Variants in SRPK2 observed in about 807,000 individuals in gnomAD.
SRPK2 encodes the protein SFRS protein kinase 2.
SRPK2 carries 21 observed loss-of-function variants against 90.8 expected under a neutral mutation model. The ratio of observed to expected loss-of-function variants is 0.23; its 90% CI spans 0.16 to 0.33. The LOEUF (loss-of-function observed/expected upper bound fraction) is 0.33. Ranked by LOEUF, SRPK2 falls within the 10% of genes least tolerant of loss-of-function variation. The pLI is 1.00. For synonymous variants in SRPK2, 288 were observed against 311.1 expected (o/e 0.93, Z 0.78); for missense variants, 620 against 869.0 (o/e 0.71, Z 3.60).
intron 2 of SRPK2, among the ~76,000 whole-genome samples, chr7:105,308,077 TCGTCACCCA>T (rs1463111644): frequency 3.9e-5 from 6 of 152,334 alleles, no homozygotes; most frequent in Middle Eastern, 3.4e-3. Context: ...AGTTATGGGT[TCGTCACCCA>T]AATATACCCC....
At chr7:105,244,808 T>G in intron 2 of SRPK2, 1 of 974,604 alleles carries the variant, frequency 1.0e-6, no homozygotes, top group Non-Finnish European at 1.7e-6. Flanking sequence ...CTTCGCCCCG[T>G]ACAAGCAGCA....
At chr7:105,363,568 A>G (rs1818681574) in intron 2 of SRPK2, among the ~76,000 whole-genome samples, 1 of 152,228 alleles carries the variant, frequency 6.6e-6, no homozygotes, top group Admixed American at 6.5e-5. Context: ...GAACACTTTT[A>G]CACGGTTGGT....
intron 2 of SRPK2, among the ~76,000 whole-genome samples, chr7:105,316,013 C>G (rs1812267212): frequency 7.3e-6 from 1 of 136,908 alleles, no homozygotes; most frequent in Non-Finnish European, 1.5e-5. Context: ...GAAAAGACAT[C>G]TTTAGGTAAT....
intron 3 of SRPK2, among the ~76,000 whole-genome samples, chr7:105,191,040 A>G (rs1794217837): frequency 6.6e-6 from 1 of 152,350 alleles, no homozygotes; most frequent in Admixed American, 6.5e-5. Context: ...AAACCACAAT[A>G]TAAGATACAA....
chr7:105,125,875 C>G, intron 15 of SRPK2: 1 of 1,301,400 alleles, frequency 7.7e-7, no homozygotes, highest in Non-Finnish European at 1.0e-6. Context: ...GCTATGTGAT[C>G]TGCATTGGGA....
At chr7:105,340,073 A>C (rs1815567701) in intron 2 of SRPK2, among the ~76,000 whole-genome samples, 1 of 152,076 alleles carries the variant, frequency 6.6e-6, no homozygotes, top group Non-Finnish European at 1.5e-5. Flanking sequence ...AAAGGAAAAA[A>C]AAAAAAAAGG....
intron 2 of SRPK2, among the ~76,000 whole-genome samples, chr7:105,249,563 C>G (rs944627914): frequency 7.2e-5 from 11 of 151,750 alleles, no homozygotes; most frequent in African/African-American, 2.7e-4. Context: ...ATTTCAAATA[C>G]TGGAAGTTAT....
At chr7:105,305,231 A>G (rs1019674566) in intron 2 of SRPK2, among the ~76,000 whole-genome samples, 11 of 152,148 alleles carry the variant, frequency 7.2e-5, no homozygotes, top group Admixed American at 1.3e-4. Flanking sequence ...CCTGAAGTCA[A>G]GAGTTCAAGG....
Position 105,185,052 on chromosome 7 carries a change from T to C in SRPK2, c.230-15787A>G, listed in dbSNP as rs73405817. 2.9e-3 allele frequency among the ~76,000 whole-genome samples: 448 copies of C among 152,264 alleles called. 1 individual carries two copies. Among genetic ancestry groups the C allele is most frequent in the African/African-American group, 0.01 (431 of 41,560 alleles). On this transcript the variant is annotated intron_variant, in intron 3 of 15. Transcript: ENST00000393651. Reference sequence around the variant, plus strand: ...GAACTTTAGTACGTGAACTTGGACATTGTTTGTATCTGTTCAAAAACTTTG... The same window carrying C: ...GAACTTTAGTACGTGAACTTGGACACTGTTTGTATCTGTTCAAAAACTTTG...
chr7:105,167,207 C>A (rs997392977), intron 6 of SRPK2, among the ~76,000 whole-genome samples, 170 bp downstream of exon 6: 4 of 152,028 alleles, frequency 2.6e-5, no homozygotes, highest in Non-Finnish European at 2.9e-5. Context: ...TACCAAACAC[C>A]CCAAAAAGCC....
chr7:105,390,244 A>G (rs971399124), upstream of SRPK2, among the ~76,000 whole-genome samples: 3 of 152,164 alleles, frequency 2.0e-5, no homozygotes, highest in Non-Finnish European at 4.4e-5. Context: ...CAATGTAATC[A>G]TCTGTAACAT....
Position 105,350,529 on chromosome 7 carries a change from C to CTTT in SRPK2, c.71+38116_71+38118dup, listed in dbSNP as rs71152961. ...CCCTGTGGTTGCTACAATTTTTTTT[C>CTTT]TTTTTTTTTTTTTTTTGAGACGGAA... On this transcript the variant is annotated intron_variant, in intron 2 of 15. Transcript: ENST00000393651. Among the ~76,000 whole-genome samples, 31 of 127,346 alleles carry CTTT rather than the reference C, an allele frequency of 2.4e-4. 1 individual carries two copies. The highest frequency in any genetic ancestry group is 3.0e-4 in the Non-Finnish European group (19 of 62,826). 83.5% of individuals were successfully genotyped at this position (127,346 alleles called of 152,430 possible).
intron 3 of SRPK2, among the ~76,000 whole-genome samples, chr7:105,190,114 C>G (rs918697802): frequency 6.6e-6 from 1 of 152,202 alleles, no homozygotes; most frequent in Admixed American, 6.5e-5. Flanking sequence ...AGGATCACAA[C>G]AGATCACACA....
chr7:105,125,985 T>C, intron 15 of SRPK2: 1 of 659,656 alleles, frequency 1.5e-6, no homozygotes, highest in South Asian at 1.9e-5. Flanking sequence ...GCAACTTGAA[T>C]GACCAAAAGT....
At chr7:105,176,589 ATG>A (rs373147650) in intron 3 of SRPK2, among the ~76,000 whole-genome samples, 52,074 of 106,484 alleles carry the variant, frequency 0.49, 9,470 homozygotes, top group African/African-American at 0.52. Context: ...GTATGTATAT[ATG>A]TGTGTGTGTG....
chr7:105,145,107 CAAAAAAAA>C lies in SRPK2; in HGVS notation c.813+168_813+175del, dbSNP rs10718877. ...GAGCAACAGAGTGAAACTCAGTTTT[CAAAAAAAA>C]AAAAAAAAAAAATTAACAAGACATT... is the stretch of plus-strand genomic sequence containing the variant. On this transcript the variant is annotated intron_variant, in intron 9 of 15. Coordinates refer to ENST00000393651, the MANE Select transcript of SRPK2 (RefSeq NM_182692.3). 5.6e-5 allele frequency among the ~76,000 whole-genome samples: 6 copies of C among 107,182 alleles called. No homozygotes were observed. The South Asian group carries it at 1.2e-3, about 21-fold the overall frequency. The allele number at this position is 107,182 out of a possible 152,430, so 70.3% of individuals were successfully genotyped here. A position where few individuals can be genotyped will look rare whatever the true frequency, so the allele number is the denominator to read the frequency against.
intron 2 of SRPK2, among the ~76,000 whole-genome samples, chr7:105,219,783 A>T (rs150516399): frequency 2.0e-5 from 3 of 152,356 alleles, no homozygotes; most frequent in African/African-American, 7.2e-5. Context: ...ATGTTACTCA[A>T]ATTTGCAGTA....
At chr7:105,379,571 G>A (rs948873795) in intron 2 of SRPK2, among the ~76,000 whole-genome samples, 2 of 152,128 alleles carry the variant, frequency 1.3e-5, no homozygotes, top group African/African-American at 2.4e-5. Context: ...GTATAGACTC[G>A]GGAGAGGCAT....
intron 3 of SRPK2, among the ~76,000 whole-genome samples, chr7:105,170,114 C>G (rs988592953): frequency 6.6e-6 from 1 of 152,172 alleles, no homozygotes; most frequent in Admixed American, 6.5e-5. Context: ...CACACCTGGC[C>G]AAGGTTCTGT....
Sources: allele counts gnomAD v4.1 joint callset (sites outside exome capture counted in the v4.1 genomes callset), GRCh38; gene constraint gnomAD v4.1.1; transcripts MANE v1.5; gene names NCBI Gene and HGNC (gene_info 2026-07-23, HGNC 2026-07-21).